The following DPYSL5 variants were observed in gnomAD, a reference collection of about 807,000 sequenced individuals.
DPYSL5 encodes the protein dihydropyrimidinase like 5.
Under a neutral mutation model 58.4 loss-of-function variants are expected in DPYSL5, and 9 were observed. The ratio of observed to expected loss-of-function variants is 0.15; its 90% CI spans 0.09 to 0.27. The LOEUF is 0.27. Among genes scored for constraint, DPYSL5 ranks in the 10% least tolerant of loss-of-function variants. The pLI is 1.00. For synonymous variants in DPYSL5, 293 were observed against 301.9 expected (o/e 0.97, Z 0.31); for missense variants, 499 against 770.6 (o/e 0.65, Z 4.17).
rs769794416 is a variant in DPYSL5 at position 26,898,590 on chromosome 2, G to A, written c.91G>A (p.Glu31Lys). ...DCTHEADVYI[E>K]NGIIQQVGRE... is the part of the protein sequence containing the mutation. ...CACCCACGAGGCTGACGTCTACATC[G>A]AGAATGGCATCATCCAGCAGGTGGG... Residue 31 changes from glutamate to lysine, a missense_variant, in exon 2 of 13, where the codon GAG (glutamate) becomes AAG (lysine). By Grantham distance (56) the Glu-to-Lys change is moderately conservative (BLOSUM62 1). Transcript: ENST00000288699. This position sits in a 1 kb window ranked among gnomAD's most constrained non-coding sequence, Gnocchi z 6.1. The A allele has an allele frequency of 1.3e-5, 21 of 1,614,060 alleles. No homozygotes were observed. The highest frequency in any genetic ancestry group is 4.5e-5 in the East Asian group (2 of 44,904).
intron 1 of DPYSL5, among the ~76,000 whole-genome samples, chr2:26,890,511 T>C (rs1558333804): frequency 6.6e-6 from 1 of 152,196 alleles, no homozygotes; most frequent in Non-Finnish European, 1.5e-5. Flanking sequence ...TGCAGGCTGC[T>C]CCGACAGCAG....
At chr2:26,860,868 AAC>A (rs991976409) in intron 1 of DPYSL5, among the ~76,000 whole-genome samples, 1 of 152,238 alleles carries the variant, frequency 6.6e-6, no homozygotes, top group African/African-American at 2.4e-5. Context: ...CATGGAAGGA[AAC>A]ACAACAAAAC....
intron 2 of DPYSL5, among the ~76,000 whole-genome samples, chr2:26,907,172 TG>T (rs1274856354): frequency 6.6e-6 from 1 of 152,070 alleles, no homozygotes; most frequent in African/African-American, 2.4e-5. Context: ...TGGAGTGCAG[TG>T]GTGCAATCTT....
chr2:26,941,986 G>C lies in DPYSL5; in HGVS notation c.1126G>C (p.Val376Leu). 6.2e-7 allele frequency: 1 copy of C among 1,614,182 alleles called. No homozygotes were observed. Among genetic ancestry groups the C allele is most frequent in the Non-Finnish European group, 8.5e-7 (1 of 1,180,052 alleles). The change falls in exon 10 of 13, where the codon GTT becomes CTT. Residue 376 changes from valine (V) to leucine (L), a missense_variant. Coordinates refer to ENST00000288699, the MANE Select transcript of DPYSL5 (RefSeq NM_020134.4). ...GKMDENRFVAVTSSNAAKLLN... is the reference protein window; with the variant it reads ...GKMDENRFVALTSSNAAKLLN... ...GATGGATGAGAACCGTTTTGTGGCC[G>C]TTACCAGTTCCAACGCAGCTAAGCT... is the stretch of plus-strand genomic sequence containing the variant.
At chr2:26,889,386 C>T (rs1663812108) in intron 1 of DPYSL5, among the ~76,000 whole-genome samples, 1 of 152,106 alleles carries the variant, frequency 6.6e-6, no homozygotes, top group African/African-American at 2.4e-5. Flanking sequence ...TCTCCTGCCT[C>T]AGCCTCCCGA....
chr2:26,881,350 G>A (rs1663556943), intron 1 of DPYSL5, among the ~76,000 whole-genome samples: 1 of 152,178 alleles, frequency 6.6e-6, no homozygotes, highest in African/African-American at 2.4e-5. Flanking sequence ...TCCTGAGAGT[G>A]CCCACTGGCC....
chr2:26,898,649 G>A lies in DPYSL5; in HGVS notation c.150G>A (p.Val50=), dbSNP rs1334394321. ...RELMIPGGAK[V]IDATGKLVIP... is the part of the protein sequence containing the mutation. ...TCATGATCCCTGGCGGGGCCAAGGTGATTGATGCCACAGGAAAACTGGTGA... is the reference window on the plus strand; with the variant it reads ...TCATGATCCCTGGCGGGGCCAAGGTAATTGATGCCACAGGAAAACTGGTGA... Residue 50 remains valine, a synonymous_variant, in exon 2 of 13, where the codon GTG becomes GTA. Transcript: ENST00000288699. The surrounding 1 kb of genome is among the most constrained non-coding windows in gnomAD (Gnocchi z 6.1). 6.2e-7 allele frequency: 1 copy of A among 1,614,056 alleles called. No individual in the cohort carries two copies. The highest frequency in any genetic ancestry group is 1.3e-5 in the African/African-American group (1 of 74,922).
intron 12 of DPYSL5, among the ~76,000 whole-genome samples, chr2:26,946,400 TTTTG>T (rs983060399): frequency 6.6e-6 from 1 of 151,930 alleles, no homozygotes; most frequent in Non-Finnish European, 1.5e-5. Context: ...TCCCTTTGTG[TTTTG>T]TTTGTTTTTG....
intron 1 of DPYSL5, among the ~76,000 whole-genome samples, chr2:26,871,481 C>T (rs539479355): frequency 7.9e-5 from 12 of 152,210 alleles, no homozygotes; most frequent in East Asian, 3.9e-4. Flanking sequence ...CTTGCTCTGT[C>T]GCCCAGGTTG....
intron 1 of DPYSL5, among the ~76,000 whole-genome samples, chr2:26,853,129 G>A (rs1472919280): frequency 6.6e-6 from 1 of 152,180 alleles, no homozygotes; most frequent in African/African-American, 2.4e-5. Flanking sequence ...AAGCTCAGCT[G>A]TTTTTAGCAG....
Position 26,934,275 on chromosome 2 carries a change from C to A in DPYSL5, c.791-303C>A, listed in dbSNP as rs1221407610. ...CTGTTCACCCACCGTCAAGCTCCAT[C>A]TGCCAACAGCACCCTGCACACACCA... On this transcript the variant is annotated intron_variant, in intron 7 of 12. Coordinates refer to ENST00000288699, the MANE Select transcript of DPYSL5 (RefSeq NM_020134.4). This position sits in a 1 kb window ranked among gnomAD's most constrained non-coding sequence, Gnocchi z 4.3. Among the ~76,000 whole-genome samples, 3 of 152,216 alleles carry A rather than the reference C, an allele frequency of 2.0e-5. No homozygotes were observed. The highest frequency in any genetic ancestry group is 2.1e-4 in the South Asian group (1 of 4,836).
chr2:26,856,647 C>G (rs1665886064), intron 1 of DPYSL5, among the ~76,000 whole-genome samples: 1 of 151,848 alleles, frequency 6.6e-6, no homozygotes, highest in Admixed American at 6.6e-5. Flanking sequence ...AGTGAAATTA[C>G]TGGGTCAGGG....
intron 1 of DPYSL5, among the ~76,000 whole-genome samples, chr2:26,860,056 A>G: frequency 6.6e-6 from 1 of 152,178 alleles, no homozygotes; most frequent in African/African-American, 2.4e-5. Context: ...TATCTCCTCA[A>G]GCCTCAGTTT....
At chr2:26,869,288 TTTTG>T (rs2148115787) in intron 1 of DPYSL5, among the ~76,000 whole-genome samples, 1 of 152,320 alleles carries the variant, frequency 6.6e-6, no homozygotes, top group African/African-American at 2.4e-5. Context: ...TTTCTTTCTT[TTTTG>T]TTTGTAAAGC....
At chr2:26,939,958 C>G in intron 8 of DPYSL5, 73 bp from the exon 9 acceptor site, 1 of 1,588,840 alleles carries the variant, frequency 6.3e-7, no homozygotes. Flanking sequence ...GAGGATTTTC[C>G]CTATATCTAT....
At chr2:26,932,489 G>T (rs1260777308) in intron 6 of DPYSL5, among the ~76,000 whole-genome samples, 1 of 152,224 alleles carries the variant, frequency 6.6e-6, no homozygotes, top group Non-Finnish European at 1.5e-5. Flanking sequence ...AATAACATCT[G>T]GGGAAACAGA....
intron 8 of DPYSL5, among the ~76,000 whole-genome samples, chr2:26,935,727 T>C (rs1665157105): frequency 6.6e-6 from 1 of 150,384 alleles, no homozygotes; most frequent in Non-Finnish European, 1.5e-5. Flanking sequence ...GAGAAGACGA[T>C]GCTTTCTCTT....
At chr2:26,902,281 G>A (rs1664178497) in intron 2 of DPYSL5, among the ~76,000 whole-genome samples, 1 of 151,908 alleles carries the variant, frequency 6.6e-6, no homozygotes, top group Non-Finnish European at 1.5e-5. Flanking sequence ...TTAAGTAGAT[G>A]TTGCACTTAG....
intron 1 of DPYSL5, among the ~76,000 whole-genome samples, chr2:26,876,375 G>A (rs931118526): frequency 6.6e-6 from 1 of 152,184 alleles, no homozygotes. Context: ...CACTGAGATG[G>A]GGGCCACTGG....
Sources: gnomAD v4.1 joint callset for allele counts (sites outside exome capture counted in the v4.1 genomes callset) on GRCh38, gnomAD v4.1.1 for gene constraint, Gnocchi (gnomAD v3.1) non-coding constraint, MANE v1.5 for transcripts, NCBI Gene and HGNC (gene_info 2026-07-23, HGNC 2026-07-21) for gene names.